Variants in RHOA observed in about 807,000 individuals in gnomAD.
RHOA encodes the protein transforming protein RhoA.
RHOA carries 3 observed loss-of-function variants against 17.5 expected under a neutral mutation model. The ratio of observed to expected loss-of-function variants is 0.17; its 90% CI spans 0.08 to 0.44. The LOEUF (loss-of-function observed/expected upper bound fraction) is 0.44. Among genes scored for constraint, RHOA ranks in the 20% least tolerant of loss-of-function variants. The probability of loss-of-function intolerance (pLI) is 0.99; values close to 1 mark genes in which losing one functional copy is unlikely to be tolerated. For synonymous variants in RHOA, 98 were observed against 88.4 expected (o/e 1.11, Z -0.61); for missense variants, 56 against 242.3 (o/e 0.23, Z 5.10).
At chr3:49,391,297 C>T (rs1347569438) in intron 1 of RHOA, among the ~76,000 whole-genome samples, 3 of 150,004 alleles carry the variant, frequency 2.0e-5, no homozygotes, top group Non-Finnish European at 4.4e-5. Context: ...GAGGCTGAGG[C>T]AGGAAGATCA....
intron 1 of RHOA, among the ~76,000 whole-genome samples, chr3:49,382,274 G>C (rs146824370): frequency 6.6e-6 from 1 of 151,928 alleles, no homozygotes; most frequent in East Asian, 1.9e-4. Context: ...AGCTAAGATC[G>C]TGCCACTGCA....
At chr3:49,378,648 G>C (rs1038568927) in intron 1 of RHOA, among the ~76,000 whole-genome samples, 18 of 152,044 alleles carry the variant, frequency 1.2e-4, no homozygotes, top group African/African-American at 4.3e-4. Context: ...ACCAAGGCTG[G>C]AATGCAGTGG....
chr3:49,389,079 C>T (rs769039936), intron 1 of RHOA, among the ~76,000 whole-genome samples: 14 of 152,064 alleles, frequency 9.2e-5, no homozygotes, highest in Admixed American at 5.9e-4. Flanking sequence ...TGGTAGCTCA[C>T]GCCTGTAATC....
intron 1 of RHOA, among the ~76,000 whole-genome samples, chr3:49,393,868 C>T (rs1324829920): frequency 2.7e-5 from 4 of 149,966 alleles, no homozygotes; most frequent in South Asian, 2.1e-4. Flanking sequence ...CACCACTACG[C>T]CTGGCTAATT....
intron 1 of RHOA, among the ~76,000 whole-genome samples, chr3:49,380,964 T>C (rs934556322): frequency 1.3e-5 from 2 of 151,734 alleles, no homozygotes; most frequent in East Asian, 3.9e-4. Context: ...ACAGATATTA[T>C]AGAATTTTAT....
intron 1 of RHOA, among the ~76,000 whole-genome samples, chr3:49,387,708 C>T (rs2048424078): frequency 6.8e-6 from 1 of 146,114 alleles, no homozygotes; most frequent in Non-Finnish European, 1.5e-5. Context: ...CACTGCACCC[C>T]AGCCCGGGGG....
At chr3:49,395,144 G>A (rs552073194) in intron 1 of RHOA, among the ~76,000 whole-genome samples, 211 of 151,862 alleles carry the variant, frequency 1.4e-3, no homozygotes, top group Non-Finnish European at 2.2e-3. Context: ...CCAGCTACTC[G>A]GGAGGCTGAG....
intron 1 of RHOA, among the ~76,000 whole-genome samples, chr3:49,391,370 C>T (rs1197029960): frequency 2.0e-5 from 3 of 148,400 alleles, no homozygotes; most frequent in East Asian, 2.0e-4. Flanking sequence ...CCAACTTGAG[C>T]GACAGAGTGA....
chr3:49,382,784 T>C (rs2048337893), intron 1 of RHOA, among the ~76,000 whole-genome samples: 3 of 152,116 alleles, frequency 2.0e-5, no homozygotes, highest in African/African-American at 7.2e-5. Context: ...TTTGGCCGAG[T>C]GTGCTGGGGT....
intron 1 of RHOA, among the ~76,000 whole-genome samples, chr3:49,405,648 T>A (rs13096474): frequency 1.3e-5 from 2 of 151,984 alleles, no homozygotes; most frequent in African/African-American, 4.8e-5. Flanking sequence ...CCAGAATCCA[T>A]GCTCTTAAAT....
At chr3:49,379,017 T>A (rs2048276112) in intron 1 of RHOA, among the ~76,000 whole-genome samples, 1 of 152,208 alleles carries the variant, frequency 6.6e-6, no homozygotes, top group Admixed American at 6.6e-5. Flanking sequence ...GACCCTGCAA[T>A]TCTATTCCTA....
chr3:49,381,953 A>G (rs2048324985), intron 1 of RHOA, among the ~76,000 whole-genome samples: 1 of 152,000 alleles, frequency 6.6e-6, no homozygotes, highest in African/African-American at 2.4e-5. Flanking sequence ...CAGGAGGCTG[A>G]GGTGGGAAGA....
At chr3:49,387,748 A>C (rs1249583033) in intron 1 of RHOA, among the ~76,000 whole-genome samples, 1 of 136,974 alleles carries the variant, frequency 7.3e-6, no homozygotes, top group Non-Finnish European at 1.6e-5. Flanking sequence ...CTCAAAAAAA[A>C]AAAACAAAAA....
intron 1 of RHOA, among the ~76,000 whole-genome samples, chr3:49,389,936 CAAAAAAA>C (rs577683876): frequency 2.6e-5 from 2 of 76,542 alleles, no homozygotes; most frequent in South Asian, 5.0e-4. Flanking sequence ...GACTCCACCT[CAAAAAAA>C]AAAAAAAAAA....
At chr3:49,380,390 A>C (rs1378787786) in intron 1 of RHOA, among the ~76,000 whole-genome samples, 2 of 152,074 alleles carry the variant, frequency 1.3e-5, no homozygotes, top group African/African-American at 2.4e-5. Flanking sequence ...AGTCTCTGTT[A>C]CCTATAGTCA....
intron 1 of RHOA, among the ~76,000 whole-genome samples, chr3:49,394,983 C>T (rs2048588167): frequency 6.6e-6 from 1 of 152,016 alleles, no homozygotes; most frequent in African/African-American, 2.4e-5. Context: ...GGCGCGGTGG[C>T]TCACGCTTGT....
At chr3:49,382,617 C>G (rs1236319886) in intron 1 of RHOA, among the ~76,000 whole-genome samples, 1 of 152,082 alleles carries the variant, frequency 6.6e-6, no homozygotes, top group Admixed American at 6.6e-5. Context: ...GCCTGAGTGA[C>G]ACAGTAAGAC....
rs565200529 is a variant in RHOA at position 49,372,892 on chromosome 3, C to G, written c.156+2542G>C. On this transcript the variant is annotated intron_variant, in intron 2 of 4. Coordinates refer to ENST00000418115, the MANE Select transcript of RHOA (RefSeq NM_001664.4). ...AAAACCGTTTTACAAATGAGGAAGG[C>G]TCAAAGGTCAGGAGCTTACTGATGG... Among the ~76,000 whole-genome samples the G allele has an allele frequency of 3.8e-4, 58 of 152,184 alleles. No individual in the cohort carries two copies. In the South Asian group the frequency reaches 9.8e-3, roughly 26 times the overall value.
intron 1 of RHOA, among the ~76,000 whole-genome samples, chr3:49,385,987 G>C (rs772876120): frequency 1.3e-5 from 2 of 152,146 alleles, no homozygotes; most frequent in Non-Finnish European, 2.9e-5. Context: ...TTGCTTTGCA[G>C]TAAGTTTTAA....
Sources: allele counts gnomAD v4.1 joint callset (sites outside exome capture counted in the v4.1 genomes callset), GRCh38; gene constraint gnomAD v4.1.1; transcripts MANE v1.5; gene names NCBI Gene and HGNC (gene_info 2026-07-23, HGNC 2026-07-21).